SYNE2: variants seen among roughly 807,000 people sequenced by gnomAD.
SYNE2 encodes nesprin-2.
SYNE2 carries 431 observed loss-of-function variants against 856.3 expected under a neutral mutation model. That is an observed-to-expected ratio of 0.50 (90% CI 0.47 to 0.55). The LOEUF is 0.55. SYNE2 is among the 20% of genes least tolerant of loss of function. The pLI is 0.00. For synonymous variants in SYNE2, 2,923 were observed against 2,872.3 expected, an observed-to-expected ratio of 1.02 and a Z score of -0.56; for missense variants, 8,129 against 8,023.2, an observed-to-expected ratio of 1.01 and a Z score of -0.50.
rs758536054 is a variant in SYNE2, at chr14:64,024,348, T to C, written c.5729T>C (p.Val1910Ala). 1 of 1,614,100 alleles carries C rather than the reference T, an allele frequency of 6.2e-7. No individual in the cohort carries two copies. Among genetic ancestry groups the C allele is most frequent in the South Asian group, 1.1e-5 (1 of 91,078 alleles). ...HVKKHLPKAHVKELISWLVGQ... is the reference protein window; with the variant it reads ...HVKKHLPKAHAKELISWLVGQ... ...AAGAAGCATCTGCCCAAAGCACATG[T>C]GAAGGAGCTTATCAGTTGGCTCGTG... is the stretch of plus-strand genomic sequence containing the variant. The change falls in exon 39 of 116, where the codon GTG becomes GCG. Residue 1910 changes from valine (V) to alanine (A), a missense_variant. Around this residue, in one of 3 missense-constraint regions of SYNE2, gnomAD observed 2,422 missense variants for 2,357.4 expected, o/e 1.03. Coordinates refer to ENST00000555002, the MANE Select transcript of SYNE2 (RefSeq NM_182914.3).
chr14:64,006,434 C>T (rs1450116534), intron 30 of SYNE2, among the ~76,000 whole-genome samples: 1 of 152,120 alleles, frequency 6.6e-6, no homozygotes, highest in African/African-American at 2.4e-5. Flanking sequence ...TCTCTTTTCT[C>T]TCGTGTGTAT....
At chr14:64,200,623 T>G (rs938877913) in intron 99 of SYNE2, among the ~76,000 whole-genome samples, 4 of 152,218 alleles carry the variant, frequency 2.6e-5, no homozygotes, top group Non-Finnish European at 5.9e-5. Flanking sequence ...TTACTTTCTT[T>G]TTAATAAATC....
rs1002085995 is a variant in SYNE2, at chr14:63,880,129, T to A, written c.-52+26986T>A. On this transcript the variant is annotated intron_variant, in intron 1 of 115. Coordinates refer to ENST00000555002, the MANE Select transcript of SYNE2 (RefSeq NM_182914.3). ...TTTTTGAGACAGGATCTTACTCTGTTGCCCAGACTGGAGTGCAGTAGCACG... is the reference window on the plus strand; with the variant it reads ...TTTTTGAGACAGGATCTTACTCTGTAGCCCAGACTGGAGTGCAGTAGCACG... Among the ~76,000 whole-genome samples, 3 of 152,330 alleles carry A rather than the reference T, an allele frequency of 2.0e-5. No individual in the cohort carries two copies. In the East Asian group the frequency reaches 5.8e-4, roughly 29 times the overall value.
chr14:64,059,945 C>T (rs899830365), intron 49 of SYNE2, among the ~76,000 whole-genome samples: 1 of 152,120 alleles, frequency 6.6e-6, no homozygotes, highest in Non-Finnish European at 1.5e-5. Flanking sequence ...CACTACAGGC[C>T]CACAGAAAGT....
intron 49 of SYNE2, among the ~76,000 whole-genome samples, chr14:64,057,755 GTT>G (rs1345747122): frequency 6.6e-6 from 1 of 152,128 alleles, no homozygotes; most frequent in Non-Finnish European, 1.5e-5. Context: ...TGAAGATGCT[GTT>G]TTCTCCACAT....
At chr14:63,944,056 T>C (rs2095973586) in intron 6 of SYNE2, among the ~76,000 whole-genome samples, 1 of 151,764 alleles carries the variant, frequency 6.6e-6, no homozygotes, top group Non-Finnish European at 1.5e-5. Context: ...TTTTTTCCTA[T>C]AGTTTTCTGG....
intron 1 of SYNE2, among the ~76,000 whole-genome samples, chr14:63,777,406 A>G (rs1887149467): frequency 1.3e-5 from 2 of 152,162 alleles, no homozygotes; most frequent in Non-Finnish European, 2.9e-5. Context: ...GCAGTGCCTC[A>G]TGTCTGTAAT....
At chr14:63,946,620 C>T (rs906061967) in intron 6 of SYNE2, among the ~76,000 whole-genome samples, 3 of 144,058 alleles carry the variant, frequency 2.1e-5, no homozygotes, top group Non-Finnish European at 4.5e-5. Flanking sequence ...AACTTTTGTC[C>T]AGTATATATT....
In SYNE2 at chr14:64,030,021, G is replaced by A; in HGVS notation, c.6841G>A (p.Asp2281Asn). The A allele has an allele frequency of 6.2e-7, 1 of 1,614,048 alleles. No homozygotes were observed. The highest frequency in any genetic ancestry group is 8.5e-7 in the Non-Finnish European group (1 of 1,179,992). ...EFVSFSDKPV[D>N]QIAVEEKLQK... ...TGTCAGTTTTTCTGATAAGCCTGTG[G>A]ATCAAATAGCGGTTGAGGAAAAATT... Residue 2281 changes from aspartate to asparagine, a missense_variant, in exon 44 of 116, where the codon GAT becomes AAT. Coordinates refer to ENST00000555002, the MANE Select transcript of SYNE2 (RefSeq NM_182914.3).
At chr14:63,797,891 A>C (rs957165750) in intron 1 of SYNE2, among the ~76,000 whole-genome samples, 1 of 152,258 alleles carries the variant, frequency 6.6e-6, no homozygotes, top group Non-Finnish European at 1.5e-5. Flanking sequence ...AAACATTAGA[A>C]CCAGTCATGT....
chr14:64,219,059 C>T lies in SYNE2; in HGVS notation c.19658-149C>T, dbSNP rs1022897915. 6 of 734,054 alleles carry T rather than the reference C, an allele frequency of 8.2e-6. No individual in the cohort carries two copies. The African/African-American group carries it at 8.9e-5, about 11-fold the overall frequency. 45.5% of individuals were successfully genotyped at this position (734,054 alleles called of 1,614,324 possible). On this transcript the variant is annotated intron_variant, in intron 109 of 115. Transcript: ENST00000555002. ...CACATTCCAGGAGAAGAGAGAACTC[C>T]CAAAACCAGACCCTTCTGTCAGGGG...
rs751551602 is a variant in SYNE2 at position 64,093,483 on chromosome 14, A to G, written c.12108+3A>G. ...CTGACAAGCTGCCACAACTACAGGT[A>G]TGTTTCTTTCATTCATAAAGGTATG... On this transcript the variant is annotated splice_donor_region_variant and intron_variant, in intron 61 of 115. Transcript: ENST00000555002. 53 of 1,613,918 alleles carry G rather than the reference A, an allele frequency of 3.3e-5. No individual in the cohort carries two copies. The highest frequency in any genetic ancestry group is 3.8e-5 in the Non-Finnish European group (45 of 1,179,930).
At position 63,993,816 on chromosome 14, in the gene SYNE2, CA is replaced by C; in HGVS notation, c.2647-17del. 6.9e-7 allele frequency: 1 copy of C among 1,440,810 alleles called. No homozygotes were observed. The highest frequency in any genetic ancestry group is 9.4e-7 in the Non-Finnish European group (1 of 1,058,358). 89.3% of individuals were successfully genotyped at this position (1,440,810 alleles called of 1,614,324 possible). The stretch of plus-strand genomic sequence containing the variant: ...AATGAGGCTTTTATGATTTTGTTTG[CA>C]ATTTTTTTTTTTTTTAGGAAGCACT... On this transcript the variant is annotated intron_variant, in intron 21 of 115. Coordinates refer to ENST00000555002, the MANE Select transcript of SYNE2 (RefSeq NM_182914.3).
Position 64,032,122 on chromosome 14 carries a change from C to T in SYNE2, c.7221+765C>T, listed in dbSNP as rs75968613. On this transcript the variant is annotated intron_variant, in intron 45 of 115. Coordinates refer to ENST00000555002, the MANE Select transcript of SYNE2 (RefSeq NM_182914.3). The stretch of plus-strand genomic sequence containing the variant: ...AAGTAATCAACAGGAATAAAGAGAA[C>T]ATGCACTTTTATTGTCTCCGTAGAA... 1.1e-3 allele frequency among the ~76,000 whole-genome samples: 170 copies of T among 152,282 alleles called. 3 individuals are homozygous for T. In the South Asian group the frequency reaches 0.015, roughly 14 times the overall value.
rs556491921 is a variant in SYNE2, at chr14:63,934,150, G to A, written c.80-6464G>A. On this transcript the variant is annotated intron_variant, in intron 2 of 115. Coordinates refer to ENST00000555002, the MANE Select transcript of SYNE2 (RefSeq NM_182914.3). ...GGATGAAGAGGCATTCTCTAAGTTC[G>A]GACAATGAGTTTAAAAGCCATGCAG... Among the ~76,000 whole-genome samples the A allele has an allele frequency of 3.9e-5, 6 of 152,220 alleles. No individual in the cohort carries two copies. In the South Asian group the frequency reaches 8.3e-4, roughly 21 times the overall value.
Position 64,221,665 on chromosome 14 carries a change from A to C in SYNE2, c.20151A>C (p.Ala6717=), listed in dbSNP as rs2098694647. 8 of 1,614,016 alleles carry C rather than the reference A, an allele frequency of 5.0e-6. No homozygotes were observed. Among genetic ancestry groups the C allele is most frequent in the Non-Finnish European group, 6.8e-6 (8 of 1,180,026 alleles). Residue 6717 remains alanine, a synonymous_variant, in exon 112 of 116, where the codon GCA becomes GCC. Transcript: ENST00000555002. The part of the protein sequence containing the change: ...RQKAHVTDPK[A]DPRALLECRR... Reference sequence around the variant, plus strand: ...AGGCTCATGTCACCGATCCAAAGGCAGACCCCCGGGCTCTCCTAGAGTGTC... The same window carrying C: ...AGGCTCATGTCACCGATCCAAAGGCCGACCCCCGGGCTCTCCTAGAGTGTC...
In SYNE2 at chr14:64,141,361, T is replaced by C; in HGVS notation, c.14997T>C (p.Asp4999=). The C allele has an allele frequency of 1.2e-6, 2 of 1,613,318 alleles. No individual in the cohort carries two copies. The highest frequency in any genetic ancestry group is 2.2e-5 in the South Asian group (2 of 90,652). Residue 4999 remains aspartate, a synonymous_variant, in exon 81 of 116, where the codon GAT becomes GAC. Transcript: ENST00000555002. The stretch of plus-strand genomic sequence containing the variant: ...TTTAGGAGTTTTCAAAAGAAGTTGA[T>C]GAAAAATCCTCCTTGAAGACTGCCG... The part of the protein sequence containing the change: ...NNFFEFSKEV[D]EKSSLKTAVI...
rs530727634 is a variant in SYNE2 at position 63,835,668 on chromosome 14, T to G, written c.-304-16833T>G. 2.2e-4 allele frequency among the ~76,000 whole-genome samples: 34 copies of G among 152,234 alleles called. 1 individual carries two copies. The South Asian group carries it at 7.1e-3, about 32-fold the overall frequency. Reference sequence around the variant, plus strand: ...CATCAGTGTTTTCTAGTACCTCATTTCTTAAATATTATTCTTATTTTGAAA... The same window carrying G: ...CATCAGTGTTTTCTAGTACCTCATTGCTTAAATATTATTCTTATTTTGAAA... On this transcript the variant is annotated intron_variant, in intron 1 of 23. Transcript: ENST00000674003.
chr14:64,097,354 T>A, intron 61 of SYNE2, among the ~76,000 whole-genome samples: 1 of 151,964 alleles, frequency 6.6e-6, no homozygotes, highest in Middle Eastern at 3.2e-3. Flanking sequence ...AGTAAATGAA[T>A]TTAGTAATAC....
Sources: allele counts gnomAD v4.1 joint callset (sites outside exome capture counted in the v4.1 genomes callset), GRCh38; gene constraint gnomAD v4.1.1; regional missense constraint gnomAD v4.1.1; transcripts MANE v1.5; gene names NCBI Gene and HGNC (gene_info 2026-07-23, HGNC 2026-07-21).